The following FECH variants were observed in gnomAD, a reference collection of about 807,000 sequenced individuals.
The protein encoded by FECH is ferrochelatase, mitochondrial.
A neutral mutation model predicts 56.9 loss-of-function variants in FECH; 40 were observed. The ratio of observed to expected loss-of-function variants is 0.70; its 90% CI spans 0.55 to 0.92. The LOEUF (loss-of-function observed/expected upper bound fraction) is 0.92. Among genes scored for constraint, FECH ranks in the 40% least tolerant of loss-of-function variants. FECH has a pLI of 0.00. For missense variants in FECH, 431 were observed against 529.1 expected (o/e 0.81, Z 1.82); for synonymous variants, 175 against 198.6 (o/e 0.88, Z 1.00).
rs1454848344 is a variant in FECH at position 57,549,346 on chromosome 18, T to G, written c.*1366A>C. ...AACTTAGCTAAAACCTTAATGATGT[T>G]GTAATATTTATTAACATAGCCAATT... On this transcript the variant is annotated 3_prime_UTR_variant, in exon 11 of 11. Transcript: ENST00000262093. 6.6e-6 allele frequency: 1 copy of G among 151,434 alleles called. No individual in the cohort carries two copies. Among genetic ancestry groups the G allele is most frequent in the Non-Finnish European group, 1.5e-5 (1 of 67,976 alleles). 9.4% of individuals were successfully genotyped at this position (151,434 alleles called of 1,614,324 possible).
At position 57,544,922 on chromosome 18, in the gene FECH, A is replaced by G. The variant is rs2050700417; in HGVS notation, c.*5790T>C. On this transcript the variant is annotated 3_prime_UTR_variant, in exon 11 of 11. Coordinates refer to ENST00000262093, the MANE Select transcript of FECH (RefSeq NM_000140.5). ...TAATGATTAACTTGAAATTTTAACA[A>G]TTGGTTCACAAGCCAACATGCCATG... 6.6e-6 allele frequency among the ~76,000 whole-genome samples: 1 copy of G among 152,226 alleles called. No homozygotes were observed. Among genetic ancestry groups the G allele is most frequent in the Non-Finnish European group, 1.5e-5 (1 of 68,040 alleles).
At chr18:57,575,063 A>T (rs1184306213) in intron 2 of FECH, among the ~76,000 whole-genome samples, 1 of 152,214 alleles carries the variant, frequency 6.6e-6, no homozygotes, top group Non-Finnish European at 1.5e-5. Context: ...GACACTTCAT[A>T]GAAATGGAAT....
rs896652040 is a variant in FECH, at chr18:57,563,706, T to C, written c.599-726A>G. Among the ~76,000 whole-genome samples the C allele has an allele frequency of 4.9e-4, 74 of 151,682 alleles. 2 individuals are homozygous for C. Among genetic ancestry groups the C allele is most frequent in the Admixed American group, 4.7e-3 (72 of 15,212 alleles). On this transcript the variant is annotated intron_variant, in intron 5 of 10. Transcript: ENST00000262093. ...AAAGAAACTGACCATTATCCCAGCA[T>C]GCTAATTACAGTCATTGCTTTACTC...
At chr18:57,563,097 A>G in intron 5 of FECH, 117 bp from the exon 6 acceptor site, 1 of 776,544 alleles carries the variant, frequency 1.3e-6, no homozygotes, top group Non-Finnish European at 2.2e-6. Flanking sequence ...TTACTGAATC[A>G]GTCTAATTAC....
intron 7 of FECH, 95 bp downstream of exon 7, chr18:57,559,050 G>T: frequency 1.2e-6 from 1 of 841,174 alleles, no homozygotes; most frequent in East Asian, 2.5e-5. Flanking sequence ...ACTGGGCTTA[G>T]GACATAATGG....
chr18:57,586,422 C>A, intron 1 of FECH, 132 bp downstream of exon 1: 1 of 990,894 alleles, frequency 1.0e-6, no homozygotes, highest in East Asian at 3.1e-5. Context: ...GCCCCTCGCC[C>A]GGTTGCTCGC....
chr18:57,572,253 TC>T (rs888211166), intron 3 of FECH, among the ~76,000 whole-genome samples: 5 of 152,126 alleles, frequency 3.3e-5, no homozygotes, highest in Admixed American at 3.3e-4. Flanking sequence ...TGAGTTCATG[TC>T]CTTTGTAGGG....
Position 57,544,734 on chromosome 18 carries a change from A to G in FECH, c.*5978T>C, listed in dbSNP as rs546334621. Among the ~76,000 whole-genome samples the G allele has an allele frequency of 6.6e-6, 1 of 152,364 alleles. No individual in the cohort carries two copies. Among genetic ancestry groups the G allele is most frequent in the South Asian group, 2.1e-4 (1 of 4,822 alleles). On this transcript the variant is annotated 3_prime_UTR_variant, in exon 11 of 11. Transcript: ENST00000262093. ...AAGTGTTTGTGAAAATCACAGTGTA[A>G]TGGCTACAGAAACAACTTATGTACT... is the stretch of plus-strand genomic sequence containing the variant.
chr18:57,577,701 T>C (rs1007514365), intron 2 of FECH, among the ~76,000 whole-genome samples: 1 of 152,246 alleles, frequency 6.6e-6, no homozygotes, highest in Non-Finnish European at 1.5e-5. Context: ...ATTATAAATA[T>C]ATGATGTACA....
At chr18:57,571,105 C>T (rs578192474) in intron 4 of FECH, among the ~76,000 whole-genome samples, 193 of 152,330 alleles carry the variant, frequency 1.3e-3, no homozygotes, top group Non-Finnish European at 2.4e-3. Flanking sequence ...TGGTATGTTG[C>T]TTATGCCTTA....
At position 57,548,399 on chromosome 18, in the gene FECH, G is replaced by A. The variant is rs1170664963; in HGVS notation, c.*2313C>T. ...AAGAGCACTATACATGCAGGGACCTGGGCTTTATCATCACCCTGGCAAGCT... is the reference window on the plus strand; with the variant it reads ...AAGAGCACTATACATGCAGGGACCTAGGCTTTATCATCACCCTGGCAAGCT... On this transcript the variant is annotated 3_prime_UTR_variant, in exon 11 of 11. Coordinates refer to ENST00000262093, the MANE Select transcript of FECH (RefSeq NM_000140.5). The A allele has an allele frequency of 1.3e-5, 2 of 152,188 alleles. No individual in the cohort carries two copies. Among genetic ancestry groups the A allele is most frequent in the Non-Finnish European group, 2.9e-5 (2 of 68,032 alleles). The allele number at this position is 152,188 out of a possible 1,614,324, so 9.4% of individuals were successfully genotyped here.
chr18:57,550,980 C>T, intron 10 of FECH, 134 bp from the exon 11 acceptor site: 1 of 1,028,184 alleles, frequency 9.7e-7, no homozygotes, highest in South Asian at 1.3e-5. Context: ...GCCCTTTGAA[C>T]CAAATTCTAC....
At chr18:57,580,311 A>G in intron 1 of FECH, 112 bp from the exon 2 acceptor site, 1 of 1,385,826 alleles carries the variant, frequency 7.2e-7, no homozygotes, top group Non-Finnish European at 1.0e-6. Context: ...CCCATGGCAG[A>G]AATGATTTTC....
In FECH at chr18:57,566,471, G is replaced by C. The variant is rs1466979809; in HGVS notation, c.574C>G (p.Pro192Ala). The change falls in exon 5 of 11, where the codon CCA becomes GCA. Residue 192 changes from proline (P) to alanine (A), a missense_variant. Coordinates refer to ENST00000262093, the MANE Select transcript of FECH (RefSeq NM_000140.5). The part of the protein sequence containing the change: ...LERAIAFTQY[P>A]QYSCSTTGSS... ...CCTGTGGTGGAGCAGCTGTACTGTG[G>C]ATACTGTGTGAAAGCAATAGCCCTT... 1 of 1,614,160 alleles carries C rather than the reference G, an allele frequency of 6.2e-7. No homozygotes were observed. Among genetic ancestry groups the C allele is most frequent in the Admixed American group, 1.7e-5 (1 of 60,016 alleles).
rs532093207 is a variant in FECH at position 57,577,648 on chromosome 18, T to C, written c.194+2425A>G. Among the ~76,000 whole-genome samples, 204 of 141,490 alleles carry C rather than the reference T, an allele frequency of 1.4e-3. 2 individuals carry two copies. The highest frequency in any genetic ancestry group is 5.4e-3 in the African/African-American group (194 of 36,250). 92.8% of individuals were successfully genotyped at this position (141,490 alleles called of 152,430 possible). Reference sequence around the variant, plus strand: ...AAATACTCTTCAGTTACTAAAATAATATAGACAAGTATTTATGATGATAAA... The same window carrying C: ...AAATACTCTTCAGTTACTAAAATAACATAGACAAGTATTTATGATGATAAA... On this transcript the variant is annotated intron_variant, in intron 2 of 10. Coordinates refer to ENST00000262093, the MANE Select transcript of FECH (RefSeq NM_000140.5).
chr18:57,558,575 A>G (rs1375509726), intron 7 of FECH, among the ~76,000 whole-genome samples: 1 of 152,226 alleles, frequency 6.6e-6, no homozygotes, highest in Non-Finnish European at 1.5e-5. Flanking sequence ...GCCTTCTCTT[A>G]ACTGTCCCAC....
In FECH at chr18:57,550,478, A is replaced by G. The variant is rs1327152830; in HGVS notation, c.*234T>C. ...TTAAAGGTCCTGATGGACATTCCAA[A>G]CTAGTAACTTATACCTAGAGAGAGA... On this transcript the variant is annotated 3_prime_UTR_variant, in exon 11 of 11. Coordinates refer to ENST00000262093, the MANE Select transcript of FECH (RefSeq NM_000140.5). The G allele has an allele frequency of 6.0e-6, 3 of 496,674 alleles. No homozygotes were observed. In the Admixed American group the frequency reaches 1.0e-4, roughly 17 times the overall value. The allele number at this position is 496,674 out of a possible 1,614,324, so 30.8% of individuals were successfully genotyped here.
At chr18:57,570,760 G>A (rs2051093990) in intron 4 of FECH, among the ~76,000 whole-genome samples, 2 of 152,158 alleles carry the variant, frequency 1.3e-5, no homozygotes, top group African/African-American at 4.8e-5. Flanking sequence ...TTGTGTCTTC[G>A]ATGTGTTTAA....
At chr18:57,552,454 G>A (rs945723781) in intron 9 of FECH, among the ~76,000 whole-genome samples, 4 of 151,828 alleles carry the variant, frequency 2.6e-5, no homozygotes, top group African/African-American at 9.7e-5. Flanking sequence ...AGGCTGGAGT[G>A]CAGTAGTGCG....
Sources: gnomAD v4.1 joint callset for allele counts (sites outside exome capture counted in the v4.1 genomes callset) on GRCh38, gnomAD v4.1.1 for gene constraint, MANE v1.5 for transcripts, NCBI Gene and HGNC (gene_info 2026-07-23, HGNC 2026-07-21) for gene names.